The following PTPRD variants were observed in gnomAD, a reference collection of about 807,000 sequenced individuals.
PTPRD encodes the protein protein tyrosine phosphatase receptor type D, also known as receptor-type tyrosine-protein phosphatase delta.
In PTPRD, 34 loss-of-function variants were observed where a neutral mutation model predicts 214.5. The ratio of observed to expected loss-of-function variants is 0.16; its 90% CI spans 0.12 to 0.21. The LOEUF is 0.21. PTPRD is among the 10% of genes least tolerant of loss of function. The pLI, the probability that PTPRD is intolerant of heterozygous loss-of-function variation, is 1.00. For synonymous variants in PTPRD, 1,128 were observed against 845.7 expected, an observed-to-expected ratio of 1.33 and a Z score of -5.79; for missense variants, 2,545 against 2,398.7, an observed-to-expected ratio of 1.06 and a Z score of -1.27.
At chr9:10,183,623 T>C (rs552170016) in intron 3 of PTPRD, among the ~76,000 whole-genome samples, 6 of 152,290 alleles carry the variant, frequency 3.9e-5, no homozygotes, top group African/African-American at 1.4e-4. Context: ...CTCAAGGACT[T>C]GGATCTAGAC....
intron 7 of PTPRD, among the ~76,000 whole-genome samples, chr9:9,594,111 GA>G (rs2093040337): frequency 6.6e-6 from 1 of 151,844 alleles, no homozygotes; most frequent in Non-Finnish European, 1.5e-5. Context: ...AATCATTTTA[GA>G]ATATGAAAGA....
chr9:9,377,921 T>G (rs1195667087), intron 9 of PTPRD, among the ~76,000 whole-genome samples: 1 of 152,162 alleles, frequency 6.6e-6, no homozygotes, highest in Non-Finnish European at 1.5e-5. Flanking sequence ...AAGACTATTT[T>G]TTTTTAAAGA....
chr9:9,126,671 T>C (rs555255814), intron 10 of PTPRD, among the ~76,000 whole-genome samples: 3 of 152,338 alleles, frequency 2.0e-5, no homozygotes, highest in Admixed American at 2.0e-4. Flanking sequence ...ATGGTAGTTG[T>C]AGTGGTAGTA....
At chr9:10,154,768 C>CT (rs1308738293) in intron 3 of PTPRD, among the ~76,000 whole-genome samples, 2 of 110,682 alleles carry the variant, frequency 1.8e-5, no homozygotes, top group African/African-American at 5.0e-5. Context: ...AGCAGGGTGG[C>CT]CTATTTCTAG....
At chr9:9,568,979 G>A (rs981233289) in intron 8 of PTPRD, among the ~76,000 whole-genome samples, 2 of 151,770 alleles carry the variant, frequency 1.3e-5, no homozygotes, top group Non-Finnish European at 2.9e-5. Flanking sequence ...ACAATAAGGA[G>A]TTGTGAATAA....
At chr9:8,985,407 C>A (rs537882552) in intron 11 of PTPRD, among the ~76,000 whole-genome samples, 1 of 152,052 alleles carries the variant, frequency 6.6e-6, no homozygotes, top group Non-Finnish European at 1.5e-5. Context: ...TAACCACGAC[C>A]AACATAGATC....
intron 2 of PTPRD, among the ~76,000 whole-genome samples, chr9:10,596,036 G>C (rs988944093): frequency 1.3e-5 from 2 of 151,666 alleles, no homozygotes; most frequent in African/African-American, 2.4e-5. Flanking sequence ...TAATCCACCA[G>C]TTATATACAC....
intron 8 of PTPRD, among the ~76,000 whole-genome samples, chr9:9,467,448 G>A (rs10977793): frequency 6.7e-6 from 1 of 150,292 alleles, no homozygotes; most frequent in African/African-American, 2.4e-5. Context: ...ATAGCAAGGC[G>A]GGGTGGCAGG....
chr9:9,457,705 A>G (rs1039733047), intron 8 of PTPRD, among the ~76,000 whole-genome samples: 6 of 152,074 alleles, frequency 3.9e-5, no homozygotes, highest in African/African-American at 1.4e-4. Flanking sequence ...ATATGCAACC[A>G]TTAGGTTTTT....
rs1563828314 is a variant in PTPRD at position 8,496,208 on chromosome 9, ACAAAC to A, written c.2349+1029_2349+1033del. ...CACACACACACACACACACACACAC[ACAAAC>A]ACACACACACACACACACTTTTTCA... On this transcript the variant is annotated intron_variant, in intron 26 of 45. Coordinates refer to ENST00000381196, the MANE Select transcript of PTPRD (RefSeq NM_002839.4). Among the ~76,000 whole-genome samples, 428 of 128,274 alleles carry A rather than the reference ACAAAC, an allele frequency of 3.3e-3. 1 individual carries two copies. Among genetic ancestry groups the A allele is most frequent in the South Asian group, 7.3e-3 (27 of 3,708 alleles). The allele number at this position is 128,274 out of a possible 152,430, so 84.2% of individuals were successfully genotyped here.
chr9:10,612,487 C>T lies in PTPRD; in HGVS notation c.-689G>A, dbSNP rs2081300587. The T allele has an allele frequency of 6.6e-6, 1 of 152,218 alleles. No individual in the cohort carries two copies. The highest frequency in any genetic ancestry group is 6.5e-5 in the Admixed American group (1 of 15,286). 9.4% of individuals were successfully genotyped at this position (152,218 alleles called of 1,614,324 possible). A position where few individuals can be genotyped will look rare whatever the true frequency, so the allele number is the denominator to read the frequency against. On this transcript the variant is annotated 5_prime_UTR_variant, in exon 2 of 46. Coordinates refer to ENST00000381196, the MANE Select transcript of PTPRD (RefSeq NM_002839.4). Reference sequence around the variant, plus strand: ...CAAATAAAGAATTGTCTTTCTATTCCACACAGGCCCAGAATAAACTGCAAA... The same window carrying T: ...CAAATAAAGAATTGTCTTTCTATTCTACACAGGCCCAGAATAAACTGCAAA...
intron 4 of PTPRD, among the ~76,000 whole-genome samples, chr9:9,947,362 ATTAT>A (rs1176760193): frequency 1.7e-5 from 1 of 59,616 alleles, no homozygotes; most frequent in Non-Finnish European, 2.8e-5. Flanking sequence ...TATTATATAT[ATTAT>A]ATATATATTA....
At chr9:9,304,148 G>C (rs989274186) in intron 9 of PTPRD, among the ~76,000 whole-genome samples, 2 of 152,040 alleles carry the variant, frequency 1.3e-5, no homozygotes, top group Non-Finnish European at 2.9e-5. Flanking sequence ...CCATGATTGA[G>C]CTTAGAATCT....
chr9:9,267,800 A>T (rs1307198133), intron 9 of PTPRD, among the ~76,000 whole-genome samples: 2 of 151,090 alleles, frequency 1.3e-5, no homozygotes, highest in Non-Finnish European at 3.0e-5. Flanking sequence ...ATAGACAAAA[A>T]AAAAGCATTT....
chr9:9,556,814 A>G (rs1230937715), intron 8 of PTPRD, among the ~76,000 whole-genome samples: 1 of 152,176 alleles, frequency 6.6e-6, no homozygotes, highest in Non-Finnish European at 1.5e-5. Context: ...TGATGGAGTG[A>G]AGCCTCAAAG....
At chr9:9,227,280 T>A (rs901746770) in intron 9 of PTPRD, among the ~76,000 whole-genome samples, 21 of 152,068 alleles carry the variant, frequency 1.4e-4, no homozygotes, top group African/African-American at 4.1e-4. Flanking sequence ...AAGATCCTAG[T>A]TTCATGTAGT....
chr9:8,850,035 A>G (rs950868667), intron 11 of PTPRD, among the ~76,000 whole-genome samples: 3 of 152,222 alleles, frequency 2.0e-5, no homozygotes, highest in Admixed American at 6.5e-5. Context: ...TAAGAACAAA[A>G]GGAAGAAAAG....
At chr9:8,589,815 G>GT (rs1594707682) in intron 14 of PTPRD, among the ~76,000 whole-genome samples, 2 of 152,166 alleles carry the variant, frequency 1.3e-5, no homozygotes, top group East Asian at 3.9e-4. Context: ...TACACAACCT[G>GT]TTATAATGTT....
intron 4 of PTPRD, among the ~76,000 whole-genome samples, chr9:9,942,637 G>A (rs757716542): frequency 1.3e-5 from 2 of 151,664 alleles, no homozygotes; most frequent in South Asian, 2.1e-4. Flanking sequence ...TGGGTGGGCC[G>A]ACTTCTACAA....
Sources: gnomAD v4.1 joint callset for allele counts (sites outside exome capture counted in the v4.1 genomes callset) on GRCh38, gnomAD v4.1.1 for gene constraint, MANE v1.5 for transcripts, NCBI Gene and HGNC (gene_info 2026-07-23, HGNC 2026-07-21) for gene names.